The following GMDS variants were observed in gnomAD, a reference collection of about 807,000 sequenced individuals.
GMDS encodes the protein GDP-mannose 4,6 dehydratase.
GMDS carries 20 observed loss-of-function variants against 49.9 expected under a neutral mutation model. The observed-to-expected ratio is 0.40, with a 90% confidence interval of 0.28 to 0.58. GMDS has a LOEUF of 0.58. Among genes scored for constraint, GMDS ranks in the 20% least tolerant of loss-of-function variants. The probability of loss-of-function intolerance (pLI) is 0.42; values close to 1 mark genes in which losing one functional copy is unlikely to be tolerated. For missense variants in GMDS, 362 were observed against 481.4 expected (o/e 0.75, Z 2.32); for synonymous variants, 177 against 178.6 (o/e 0.99, Z 0.07).
At chr6:2,200,655 A>G (rs1462228367) in intron 1 of GMDS, among the ~76,000 whole-genome samples, 4 of 143,800 alleles carry the variant, frequency 2.8e-5, no homozygotes, top group East Asian at 2.1e-4. Context: ...CACCACATGC[A>G]CATCCGAGAT....
intron 7 of GMDS, among the ~76,000 whole-genome samples, chr6:1,792,157 T>G (rs1232281227): frequency 6.6e-6 from 1 of 152,164 alleles, no homozygotes; most frequent in African/African-American, 2.4e-5. Context: ...ATATAAATAT[T>G]ATTTTCTTCA....
In GMDS at chr6:1,790,755, C is replaced by T. The variant is rs115391327; in HGVS notation, c.772-48169G>A. On this transcript the variant is annotated intron_variant, in intron 7 of 10. Coordinates refer to ENST00000380815, the MANE Select transcript of GMDS (RefSeq NM_001500.4). ...ATGTGGTCTTCAGTGAATGCCAGTT[C>T]ATTGACAACAATCGTGATACTTAGG... is the stretch of plus-strand genomic sequence containing the variant. Among the ~76,000 whole-genome samples, 635 of 152,306 alleles carry T rather than the reference C, an allele frequency of 4.2e-3. 2 individuals are homozygous for T. The highest frequency in any genetic ancestry group is 0.015 in the African/African-American group (611 of 41,576).
intron 1 of GMDS, among the ~76,000 whole-genome samples, chr6:2,150,218 T>C (rs889817808): frequency 1.3e-5 from 2 of 152,088 alleles, no homozygotes; most frequent in East Asian, 1.9e-4. Flanking sequence ...AGAATGACAA[T>C]GAAATCACCA....
intron 9 of GMDS, among the ~76,000 whole-genome samples, chr6:1,668,344 TTAA>T (rs1419968723): frequency 2.0e-5 from 3 of 152,208 alleles, no homozygotes; most frequent in Admixed American, 1.3e-4. Flanking sequence ...GTAATATATC[TTAA>T]TAAGATAAAA....
Position 2,038,061 on chromosome 6 carries a change from G to C in GMDS, c.346-77095C>G, listed in dbSNP as rs191587696. Among the ~76,000 whole-genome samples the C allele has an allele frequency of 4.0e-3, 611 of 152,186 alleles. 1 individual carries two copies. The highest frequency in any genetic ancestry group is 0.01 in the Middle Eastern group (3 of 294). ...TGAACCTTGAAATAAAGAGGGTTGG[G>C]GGGGAGGTGGTGGTGAAAAAACTAG... is the stretch of plus-strand genomic sequence containing the variant. On this transcript the variant is annotated intron_variant, in intron 4 of 10. Coordinates refer to ENST00000380815, the MANE Select transcript of GMDS (RefSeq NM_001500.4).
chr6:1,987,909 CG>C (rs1017064192), intron 4 of GMDS, among the ~76,000 whole-genome samples: 1 of 151,756 alleles, frequency 6.6e-6, no homozygotes, highest in Non-Finnish European at 1.5e-5. Context: ...TTTTACCTCT[CG>C]AAAAAAAACT....
intron 9 of GMDS, among the ~76,000 whole-genome samples, chr6:1,691,843 G>A (rs1765184213): frequency 6.6e-6 from 1 of 152,164 alleles, no homozygotes; most frequent in Admixed American, 6.5e-5. Context: ...AAGGACCTCA[G>A]TGCAGTTTTT....
chr6:2,075,208 T>C (rs1157100265), intron 4 of GMDS, among the ~76,000 whole-genome samples: 3 of 152,150 alleles, frequency 2.0e-5, no homozygotes, highest in Non-Finnish European at 2.9e-5. Flanking sequence ...TGCACTGATA[T>C]AGTAGATGCC....
chr6:2,221,649 A>G (rs1477706970), intron 1 of GMDS, among the ~76,000 whole-genome samples: 1 of 152,194 alleles, frequency 6.6e-6, no homozygotes, highest in Non-Finnish European at 1.5e-5. Flanking sequence ...CGGCCTCCCA[A>G]AGTGCTGGGA....
intron 3 of GMDS, among the ~76,000 whole-genome samples, chr6:2,117,223 T>G (rs1371218339): frequency 6.6e-6 from 1 of 152,188 alleles, no homozygotes; most frequent in East Asian, 1.9e-4. Context: ...TGCCCTTTCT[T>G]GGTCTCTCCA....
At chr6:2,068,140 T>C (rs1308254028) in intron 4 of GMDS, among the ~76,000 whole-genome samples, 2 of 151,168 alleles carry the variant, frequency 1.3e-5, no homozygotes, top group African/African-American at 4.9e-5. Context: ...TAATCCAGCA[T>C]ATAAACAGAA....
chr6:2,066,732 C>A (rs1017145336), intron 4 of GMDS, among the ~76,000 whole-genome samples: 2 of 152,102 alleles, frequency 1.3e-5, no homozygotes, highest in African/African-American at 2.4e-5. Context: ...AATATATATG[C>A]GCCCAATACA....
At chr6:2,190,612 C>T (rs9392371) in intron 1 of GMDS, among the ~76,000 whole-genome samples, 27,026 of 152,180 alleles carry the variant, frequency 0.18, 2,840 homozygotes, top group Admixed American at 0.22. Context: ...ATTCCACCAG[C>T]GGCCAAGTTA....
chr6:1,683,863 G>A (rs1303391087), intron 9 of GMDS, among the ~76,000 whole-genome samples: 2 of 152,192 alleles, frequency 1.3e-5, no homozygotes, highest in African/African-American at 4.8e-5. Context: ...GTTTTTCTAA[G>A]TTGAGGCATA....
chr6:2,134,419 A>G (rs548546518), intron 1 of GMDS, among the ~76,000 whole-genome samples: 19 of 152,190 alleles, frequency 1.2e-4, no homozygotes, highest in Non-Finnish European at 2.8e-4. Flanking sequence ...AGGGTAGTGG[A>G]GTTCTCTAGG....
intron 9 of GMDS, among the ~76,000 whole-genome samples, chr6:1,627,355 G>A (rs1017114556): frequency 3.3e-5 from 5 of 152,188 alleles, no homozygotes; most frequent in Non-Finnish European, 5.9e-5. Flanking sequence ...GCTCTAGAAG[G>A]AGAGCAAGGA....
chr6:1,816,196 G>A lies in GMDS; in HGVS notation c.772-73610C>T, dbSNP rs1770664379. ...CATTCATTCGCCTATCTATTCACTC[G>A]GTATTTATGAGAGCCTACTGTGTGC... On this transcript the variant is annotated intron_variant, in intron 7 of 10. Transcript: ENST00000380815. Among the ~76,000 whole-genome samples, 2 of 152,150 alleles carry A rather than the reference G, an allele frequency of 1.3e-5. 1 individual carries two copies. The highest frequency in any genetic ancestry group is 4.1e-4 in the South Asian group (2 of 4,832).
intron 9 of GMDS, among the ~76,000 whole-genome samples, chr6:1,681,836 T>C (rs1204880139): frequency 2.6e-5 from 4 of 152,202 alleles, no homozygotes; most frequent in Admixed American, 6.5e-5. Context: ...GATGGGACTA[T>C]AGGCACGCAC....
chr6:2,082,477 T>C (rs1772771788), intron 4 of GMDS, among the ~76,000 whole-genome samples: 1 of 152,206 alleles, frequency 6.6e-6, no homozygotes, highest in African/African-American at 2.4e-5. Flanking sequence ...AGGCATGGGC[T>C]CCTATCATGT....
Sources: allele counts gnomAD v4.1 joint callset (sites outside exome capture counted in the v4.1 genomes callset), GRCh38; gene constraint gnomAD v4.1.1; transcripts MANE v1.5; gene names NCBI Gene and HGNC (gene_info 2026-07-23, HGNC 2026-07-21).